The following ACSF3 variants were observed in gnomAD, a reference collection of about 807,000 sequenced individuals.
ACSF3 encodes acyl-CoA synthetase family member 3, also known as malonate--CoA ligase ACSF3, mitochondrial.
ACSF3 carries 78 observed loss-of-function variants against 53.2 expected under a neutral mutation model. That is an observed-to-expected ratio of 1.47 (90% CI 1.22 to 1.77). The LOEUF is 1.77. ACSF3 is among the 40% of genes most tolerant of loss of function. ACSF3 has a pLI of 0.00. For synonymous variants in ACSF3, 414 were observed against 333.1 expected (o/e 1.24, Z -2.65); for missense variants, 937 against 771.1 (o/e 1.22, Z -2.55).
chr16:89,095,809 T>C (rs927150561), intron 1 of ACSF3, among the ~76,000 whole-genome samples: 1 of 152,194 alleles, frequency 6.6e-6, no homozygotes, highest in Non-Finnish European at 1.5e-5. Context: ...ACGTGAAGCC[T>C]GTGAGGCAGG....
intron 8 of ACSF3, among the ~76,000 whole-genome samples, chr16:89,139,814 C>T (rs997568912): frequency 1.3e-5 from 2 of 151,998 alleles, no homozygotes; most frequent in African/African-American, 4.8e-5. Flanking sequence ...AGGATGGTCT[C>T]GATCTCCTGA....
At chr16:89,133,751 T>C (rs964892697) in intron 8 of ACSF3, among the ~76,000 whole-genome samples, 1 of 152,152 alleles carries the variant, frequency 6.6e-6, no homozygotes, top group Non-Finnish European at 1.5e-5. Context: ...CGCAGTGCGG[T>C]TGGTTTGCAG....
chr16:89,145,922 G>T lies in ACSF3; in HGVS notation c.1502-16G>T, dbSNP rs969080859. ...TGAGGCATCCCCATGTTCTCAAACT[G>T]TTCTTCTATCCGCAGATGTGGCTGT... On this transcript the variant is annotated splice_polypyrimidine_tract_variant and intron_variant, in intron 9 of 10. Coordinates refer to ENST00000614302, the MANE Select transcript of ACSF3 (RefSeq NM_001243279.3). 6.2e-7 allele frequency: 1 copy of T among 1,609,914 alleles called. No homozygotes were observed. Among genetic ancestry groups the T allele is most frequent in the Admixed American group, 1.7e-5 (1 of 60,026 alleles).
intron 7 of ACSF3, among the ~76,000 whole-genome samples, chr16:89,123,418 G>A (rs1376729471): frequency 1.3e-5 from 2 of 152,194 alleles, no homozygotes; most frequent in Non-Finnish European, 2.9e-5. Flanking sequence ...TCACGCAGTA[G>A]CCCTTCTCTC....
chr16:89,124,285 A>G (rs1418731850), intron 7 of ACSF3, among the ~76,000 whole-genome samples: 1 of 152,132 alleles, frequency 6.6e-6, no homozygotes, highest in South Asian at 2.1e-4. Flanking sequence ...TCATAGGACG[A>G]GGGGGCGCGT....
chr16:89,151,449 C>T, intron 10 of ACSF3: 1 of 316,762 alleles, frequency 3.2e-6, no homozygotes. Flanking sequence ...AACGAGAGGA[C>T]AGTGTTCCCA....
At chr16:89,153,854 G>C (rs1445087994) in intron 10 of ACSF3, 1 of 573,506 alleles carries the variant, frequency 1.7e-6, no homozygotes, top group East Asian at 3.0e-5. Flanking sequence ...ACGCACCATG[G>C]CTTCTGTGGT....
chr16:89,144,643 G>A (rs923740307), intron 8 of ACSF3, among the ~76,000 whole-genome samples: 6 of 152,228 alleles, frequency 3.9e-5, no homozygotes, highest in African/African-American at 1.4e-4. Context: ...GTGGGCCTCG[G>A]CCCCTCTCCC....
At chr16:89,128,929 C>A (rs567500561) in intron 7 of ACSF3, among the ~76,000 whole-genome samples, 1 of 151,742 alleles carries the variant, frequency 6.6e-6, no homozygotes, top group Admixed American at 6.6e-5. Flanking sequence ...AGTTTGAGCC[C>A]AGCCTGAGCA....
chr16:89,124,239 A>G (rs1328144469), intron 7 of ACSF3, among the ~76,000 whole-genome samples: 4 of 152,244 alleles, frequency 2.6e-5, no homozygotes, highest in African/African-American at 9.6e-5. Flanking sequence ...CCAGAAGTCA[A>G]TATGGCTGAG....
intron 6 of ACSF3, among the ~76,000 whole-genome samples, chr16:89,117,821 C>T (rs1452801886): frequency 6.6e-6 from 1 of 152,190 alleles, no homozygotes; most frequent in Admixed American, 6.5e-5. Context: ...GGAGGGGGAT[C>T]CAGAGACCCT....
At chr16:89,136,797 G>A (rs1910582473) in intron 8 of ACSF3, 1 of 1,287,186 alleles carries the variant, frequency 7.8e-7, no homozygotes, top group Non-Finnish European at 1.0e-6. Flanking sequence ...GGTCTCCGCT[G>A]CTGCTCAAGG....
At chr16:89,102,156 G>T (rs571727932) in intron 3 of ACSF3, among the ~76,000 whole-genome samples, 47 of 152,366 alleles carry the variant, frequency 3.1e-4, no homozygotes, top group African/African-American at 1.1e-3. Flanking sequence ...GCCTGGCCTG[G>T]GTTCTGTCCC....
At chr16:89,131,137 T>C (rs1909226874) in intron 7 of ACSF3, among the ~76,000 whole-genome samples, 1 of 133,612 alleles carries the variant, frequency 7.5e-6, no homozygotes, top group South Asian at 2.6e-4. Flanking sequence ...CTTTTTTTTT[T>C]TTTTTTTTTT....
intron 8 of ACSF3, among the ~76,000 whole-genome samples, chr16:89,142,442 C>T (rs925909281): frequency 3.3e-5 from 5 of 152,260 alleles, no homozygotes; most frequent in Middle Eastern, 3.4e-3. Context: ...ACCAGGGCTT[C>T]GACCTCTGGG....
chr16:89,134,750 C>T (rs192602079), intron 8 of ACSF3, among the ~76,000 whole-genome samples: 4 of 152,046 alleles, frequency 2.6e-5, no homozygotes, highest in Non-Finnish European at 5.9e-5. Flanking sequence ...TTAGTGAGCT[C>T]GCTTTACTAC....
intron 7 of ACSF3, 78 bp downstream of exon 7, chr16:89,120,991 T>G: frequency 7.6e-7 from 1 of 1,319,902 alleles, no homozygotes. Context: ...CTGGTGCATC[T>G]TTCCCCTGGA....
intron 5 of ACSF3, 189 bp from the exon 6 acceptor site, chr16:89,114,150 G>T: frequency 1.4e-6 from 1 of 721,382 alleles, no homozygotes. Flanking sequence ...TCACGCCGTA[G>T]CGCAGACTGC....
chr16:89,116,613 G>A (rs1431448192), intron 6 of ACSF3, among the ~76,000 whole-genome samples: 1 of 152,244 alleles, frequency 6.6e-6, no homozygotes, highest in Non-Finnish European at 1.5e-5. Context: ...GTGCAGAGCT[G>A]CCAGTGGGGT....
Sources: allele counts gnomAD v4.1 joint callset (sites outside exome capture counted in the v4.1 genomes callset), GRCh38; gene constraint gnomAD v4.1.1; transcripts MANE v1.5; gene names NCBI Gene and HGNC (gene_info 2026-07-23, HGNC 2026-07-21).